The following TMEM232 variants were observed in gnomAD, a reference collection of about 807,000 sequenced individuals.
TMEM232 encodes the protein transmembrane protein 232.
A neutral mutation model predicts 78.8 loss-of-function variants in TMEM232; 80 were observed. The ratio of observed to expected loss-of-function variants is 1.01; its 90% CI spans 0.85 to 1.22. The LOEUF (loss-of-function observed/expected upper bound fraction) is 1.22, where lower values mean the gene tolerates loss of function less well. Ranked by LOEUF, TMEM232 falls within the 50% of genes most tolerant of loss-of-function variation. The probability of loss-of-function intolerance (pLI) is 0.00; values close to 1 mark genes in which losing one functional copy is unlikely to be tolerated. For missense variants in TMEM232, 881 were observed against 742.2 expected, an observed-to-expected ratio of 1.19 and a Z score of -2.17; for synonymous variants, 297 against 254.3, an observed-to-expected ratio of 1.17 and a Z score of -1.60.
Position 110,420,522 on chromosome 5 carries a change from T to A in TMEM232, c.*58A>T. 9.4e-7 allele frequency: 1 copy of A among 1,067,466 alleles called. No homozygotes were observed. The highest frequency in any genetic ancestry group is 3.1e-5 in the East Asian group (1 of 32,232). The allele number at this position is 1,067,466 out of a possible 1,614,324, so 66.1% of individuals were successfully genotyped here. ...TATGTAGCTATCTTGGTATTTTTCA[T>A]CCTATGTATTTCTGCCATGTAGTCC... On this transcript the variant is annotated 3_prime_UTR_variant, in exon 14 of 14. Transcript: ENST00000455884.
chr5:110,449,981 A>T (rs1760088862), intron 12 of TMEM232, among the ~76,000 whole-genome samples: 1 of 152,036 alleles, frequency 6.6e-6, no homozygotes, highest in Non-Finnish European at 1.5e-5. Context: ...TGGGTGAGGG[A>T]CGTGGAGGGA....
chr5:110,580,239 T>C (rs1778028197), intron 10 of TMEM232, among the ~76,000 whole-genome samples: 1 of 151,684 alleles, frequency 6.6e-6, no homozygotes, highest in African/African-American at 2.4e-5. Context: ...TTATAGTGGA[T>C]AGAGTTGAAA....
At chr5:110,460,915 A>G (rs1406207748) in intron 12 of TMEM232, among the ~76,000 whole-genome samples, 1 of 152,064 alleles carries the variant, frequency 6.6e-6, no homozygotes, top group East Asian at 1.9e-4. Context: ...GCAAACTCAG[A>G]TACACATTGT....
intron 11 of TMEM232, among the ~76,000 whole-genome samples, chr5:110,549,011 A>C (rs1303468236): frequency 6.6e-6 from 1 of 152,026 alleles, no homozygotes; most frequent in East Asian, 1.9e-4. Flanking sequence ...GTTATCTTCT[A>C]AACAATGTAT....
chr5:110,726,093 A>G (rs1438553047), intron 1 of TMEM232, among the ~76,000 whole-genome samples: 1 of 134,948 alleles, frequency 7.4e-6, no homozygotes, highest in Non-Finnish European at 1.5e-5. Flanking sequence ...TCTCCAATAT[A>G]CCCCCCTCTC....
intron 12 of TMEM232, among the ~76,000 whole-genome samples, chr5:110,527,119 G>A (rs1581086921): frequency 6.6e-6 from 1 of 151,858 alleles, no homozygotes; most frequent in South Asian, 2.1e-4. Flanking sequence ...ATCAGGGAAA[G>A]AAGGGTCTAT....
chr5:110,695,629 G>A (rs183316094), intron 1 of TMEM232, among the ~76,000 whole-genome samples: 7 of 152,172 alleles, frequency 4.6e-5, no homozygotes, highest in East Asian at 1.9e-4. Flanking sequence ...TAACACCACC[G>A]ATCCCACAGA....
At chr5:110,399,172 A>C (rs1755500164) in intron 2 of TMEM232, among the ~76,000 whole-genome samples, 1 of 152,130 alleles carries the variant, frequency 6.6e-6, no homozygotes, top group Non-Finnish European at 1.5e-5. Context: ...AAGAGAGGAC[A>C]ACTATAAGAA....
chr5:110,620,069 A>G (rs1174136224), intron 7 of TMEM232, among the ~76,000 whole-genome samples: 2 of 152,196 alleles, frequency 1.3e-5, no homozygotes, highest in African/African-American at 4.8e-5. Context: ...GTATTTATGT[A>G]CCATCATCAG....
chr5:110,519,766 A>G (rs1311714964), intron 12 of TMEM232, among the ~76,000 whole-genome samples: 1 of 151,846 alleles, frequency 6.6e-6, no homozygotes, highest in Non-Finnish European at 1.5e-5. Context: ...TGGTATATAT[A>G]CACAATGTAA....
At chr5:110,652,232 CAATTT>C (rs1788412311) in intron 2 of TMEM232, among the ~76,000 whole-genome samples, 1 of 151,374 alleles carries the variant, frequency 6.6e-6, no homozygotes, top group African/African-American at 2.4e-5. Context: ...AAATTCAATT[CAATTT>C]GATTTCCCCA....
At chr5:110,667,660 AC>A (rs1340093801) in intron 1 of TMEM232, 1 of 174,598 alleles carries the variant, frequency 5.7e-6, no homozygotes, top group Admixed American at 6.3e-5. Context: ...AGGCCATACA[AC>A]CAGACTAAGT....
chr5:110,472,955 G>T (rs1011206914), intron 12 of TMEM232, among the ~76,000 whole-genome samples: 4 of 150,770 alleles, frequency 2.7e-5, no homozygotes, highest in African/African-American at 9.7e-5. Flanking sequence ...GTAAGACCTC[G>T]AAACTATGAA....
At chr5:110,529,249 T>A (rs1000694741) in intron 11 of TMEM232, among the ~76,000 whole-genome samples, 1 of 152,122 alleles carries the variant, frequency 6.6e-6, no homozygotes, top group Non-Finnish European at 1.5e-5. Context: ...ACAGAGCATT[T>A]TTTTTTTCTT....
At chr5:110,524,311 A>AGAAG (rs201999237) in intron 12 of TMEM232, among the ~76,000 whole-genome samples, 16 of 145,988 alleles carry the variant, frequency 1.1e-4, no homozygotes, top group East Asian at 5.9e-4. Flanking sequence ...ATAAAAAGAA[A>AGAAG]GAAGGAAGGA....
chr5:110,522,464 A>G (rs1390078823), intron 12 of TMEM232, among the ~76,000 whole-genome samples: 1 of 152,176 alleles, frequency 6.6e-6, no homozygotes, highest in Non-Finnish European at 1.5e-5. Flanking sequence ...CAGAAATAGC[A>G]AGAATGGAAT....
chr5:110,716,195 G>C (rs943837656), intron 1 of TMEM232, among the ~76,000 whole-genome samples: 21 of 152,056 alleles, frequency 1.4e-4, no homozygotes, highest in African/African-American at 5.1e-4. Context: ...ATTTGGCTCA[G>C]AATACATTTC....
intron 10 of TMEM232, among the ~76,000 whole-genome samples, chr5:110,596,504 A>C (rs1422716336): frequency 6.6e-6 from 1 of 152,186 alleles, no homozygotes; most frequent in Non-Finnish European, 1.5e-5. Context: ...ATCCTCCCTA[A>C]CTCATTTTAT....
chr5:110,524,590 T>C (rs188968592), intron 12 of TMEM232, among the ~76,000 whole-genome samples: 2 of 152,284 alleles, frequency 1.3e-5, no homozygotes, highest in East Asian at 3.9e-4. Context: ...GAGAAAGTTC[T>C]GTGGCACGTG....
Sources: allele counts gnomAD v4.1 joint callset (sites outside exome capture counted in the v4.1 genomes callset), GRCh38; gene constraint gnomAD v4.1.1; transcripts MANE v1.5; gene names NCBI Gene and HGNC (gene_info 2026-07-23, HGNC 2026-07-21).